LRP1B: variants seen among roughly 807,000 people sequenced by gnomAD.
The protein encoded by LRP1B is LDL receptor related protein 1B, also known as low-density lipoprotein receptor-related protein 1B.
LRP1B carries 217 observed loss-of-function variants against 556.6 expected under a neutral mutation model. The observed-to-expected ratio is 0.39, with a 90% CI of 0.35 to 0.44. The LOEUF (loss-of-function observed/expected upper bound fraction) is 0.44. LRP1B is among the 20% of genes least tolerant of loss of function. The pLI is 1.00. For missense variants in LRP1B, 5,053 were observed against 5,620.8 expected, an observed-to-expected ratio of 0.90 and a Z score of 3.23; for synonymous variants, 2,047 against 1,865.8, an observed-to-expected ratio of 1.10 and a Z score of -2.50.
chr2:140,246,658 T>C (rs1681178717), intron 87 of LRP1B, among the ~76,000 whole-genome samples: 1 of 151,528 alleles, frequency 6.6e-6, no homozygotes, highest in Non-Finnish European at 1.5e-5. Flanking sequence ...TCTTTCAGAC[T>C]AACCAATAAA....
intron 1 of LRP1B, among the ~76,000 whole-genome samples, chr2:142,105,993 A>G (rs1403137051): frequency 6.6e-6 from 1 of 152,146 alleles, no homozygotes; most frequent in East Asian, 1.9e-4. Flanking sequence ...ATTTAACACC[A>G]CAAAACAATG....
intron 1 of LRP1B, among the ~76,000 whole-genome samples, chr2:141,815,741 C>T (rs923432586): frequency 5.9e-5 from 9 of 152,172 alleles, no homozygotes; most frequent in African/African-American, 2.2e-4. Flanking sequence ...TCCTTGGATC[C>T]CGTTCCACGC....
chr2:141,672,736 G>A (rs191915805), intron 2 of LRP1B, among the ~76,000 whole-genome samples: 13 of 152,204 alleles, frequency 8.5e-5, no homozygotes, highest in South Asian at 4.2e-4. Context: ...AAATTAAATC[G>A]CAACTTTCTT....
At position 142,035,639 on chromosome 2, in the gene LRP1B, G is replaced by A. The variant is rs545746510; in HGVS notation, c.82+95009C>T. Among the ~76,000 whole-genome samples, 16 of 151,660 alleles carry A rather than the reference G, an allele frequency of 1.1e-4. No individual in the cohort carries two copies. In the South Asian group the frequency reaches 3.3e-3, roughly 32 times the overall value. ...TCCATTCCTTTTGGTGTAATTCACG[G>A]GAAGGTCTAGTTTAACAACAACTTT... On this transcript the variant is annotated intron_variant, in intron 1 of 90. Transcript: ENST00000389484.
rs185639515 is a variant in LRP1B, at chr2:140,999,757, G to A, written c.2503+5578C>T. Among the ~76,000 whole-genome samples the A allele has an allele frequency of 3.3e-5, 5 of 151,952 alleles. No individual in the cohort carries two copies. The East Asian group carries it at 9.7e-4, about 30-fold the overall frequency. Reference sequence around the variant, plus strand: ...CTACTGAACATGTTTTGTTGTTTTTGGTTTGGCAATTAGGGCAAAGAAGAA... The same window carrying A: ...CTACTGAACATGTTTTGTTGTTTTTAGTTTGGCAATTAGGGCAAAGAAGAA... On this transcript the variant is annotated intron_variant, in intron 15 of 90. Coordinates refer to ENST00000389484, the MANE Select transcript of LRP1B (RefSeq NM_018557.3).
intron 2 of LRP1B, among the ~76,000 whole-genome samples, chr2:141,543,746 A>G (rs1685355578): frequency 6.6e-6 from 1 of 151,678 alleles, no homozygotes; most frequent in Admixed American, 6.6e-5. Flanking sequence ...AGAAAAAAAA[A>G]ACAAATACAC....
At chr2:141,099,006 G>A (rs1250236752) in intron 7 of LRP1B, among the ~76,000 whole-genome samples, 4 of 152,056 alleles carry the variant, frequency 2.6e-5, no homozygotes, top group Non-Finnish European at 5.9e-5. Flanking sequence ...AACATTCAAA[G>A]GCCACAGAAA....
At chr2:141,108,474 G>A (rs969774595) in intron 7 of LRP1B, among the ~76,000 whole-genome samples, 1 of 147,766 alleles carries the variant, frequency 6.8e-6, no homozygotes, top group Non-Finnish European at 1.5e-5. Context: ...TCAGCTTCCC[G>A]AGTAGCTGGG....
intron 15 of LRP1B, among the ~76,000 whole-genome samples, chr2:140,997,633 CA>C (rs1002027546): frequency 6.6e-6 from 1 of 150,980 alleles, no homozygotes; most frequent in Non-Finnish European, 1.5e-5. Context: ...TGTCCTGGAA[CA>C]AAAAAAATAA....
At chr2:141,158,180 CA>C in intron 7 of LRP1B, among the ~76,000 whole-genome samples, 1 of 151,940 alleles carries the variant, frequency 6.6e-6, no homozygotes, top group East Asian at 1.9e-4. Context: ...TCTTTTTAAC[CA>C]GTTGAATTAA....
chr2:141,163,041 A>C (rs1680105021), intron 7 of LRP1B, among the ~76,000 whole-genome samples: 1 of 152,140 alleles, frequency 6.6e-6, no homozygotes, highest in Non-Finnish European at 1.5e-5. Flanking sequence ...CACTGTGACA[A>C]GCATCCTTTA....
intron 75 of LRP1B, among the ~76,000 whole-genome samples, 188 bp downstream of exon 75, chr2:140,356,154 G>T (rs150152427): frequency 1.5e-5 from 2 of 134,932 alleles, no homozygotes; most frequent in East Asian, 2.0e-4. Flanking sequence ...AGCCTCTGTC[G>T]TGGTTAGCTT....
At chr2:141,522,037 A>G (rs368871114) in intron 2 of LRP1B, among the ~76,000 whole-genome samples, 2 of 152,140 alleles carry the variant, frequency 1.3e-5, no homozygotes, top group Admixed American at 6.6e-5. Context: ...ATTAAGTAGG[A>G]AAACAGGGCA....
chr2:141,058,021 G>C (rs1699229659), intron 9 of LRP1B, among the ~76,000 whole-genome samples: 1 of 151,806 alleles, frequency 6.6e-6, no homozygotes, highest in Non-Finnish European at 1.5e-5. Context: ...CTCCACTGGA[G>C]TGTAAACTCA....
chr2:140,601,619 G>A lies in LRP1B; in HGVS notation c.6820C>T (p.Leu2274Phe), dbSNP rs556894524. Residue 2274 changes from leucine (L) to phenylalanine (F), a missense_variant, in exon 42 of 91, where the codon CTT (leucine) becomes TTT (phenylalanine). Physicochemically the swap from Leu to Phe is conservative, Grantham distance 22. Around this residue, in one of 5 missense-constraint regions of LRP1B, gnomAD observed 3,619 missense variants for 3,931.9 expected, o/e 0.92. Transcript: ENST00000389484. ...GTATCCCAGGCTCTGTGATAGGCAAGTCCTTCCACAGAACCCACATCTAGT... is the reference window on the plus strand; with the variant it reads ...GTATCCCAGGCTCTGTGATAGGCAAATCCTTCCACAGAACCCACATCTAGT... The part of the protein sequence containing the change: ...IVENVGSVEG[L>F]AYHRAWDTLY... The A allele has an allele frequency of 1.9e-6, 3 of 1,593,370 alleles. No homozygotes were observed. The highest frequency in any genetic ancestry group is 2.6e-6 in the Non-Finnish European group (3 of 1,167,640).
chr2:140,876,815 T>TC (rs889201912), intron 25 of LRP1B, among the ~76,000 whole-genome samples: 2 of 152,154 alleles, frequency 1.3e-5, no homozygotes, highest in African/African-American at 4.8e-5. Flanking sequence ...TATTTTTTTT[T>TC]CTTGCTGCAC....
intron 1 of LRP1B, among the ~76,000 whole-genome samples, chr2:141,981,669 T>C (rs1574557432): frequency 2.0e-5 from 3 of 152,266 alleles, no homozygotes. Context: ...GGAGATCACA[T>C]AGATGTTTAC....
intron 1 of LRP1B, among the ~76,000 whole-genome samples, chr2:142,074,557 C>A (rs1705432332): frequency 6.6e-6 from 1 of 151,974 alleles, no homozygotes; most frequent in South Asian, 2.1e-4. Flanking sequence ...CCTTATACTT[C>A]TCTGTAGAAC....
intron 66 of LRP1B, among the ~76,000 whole-genome samples, chr2:140,429,918 C>T (rs148496037): frequency 0.012 from 1,866 of 152,226 alleles, 35 homozygotes; most frequent in African/African-American, 0.042. Flanking sequence ...TTCTGCTCCC[C>T]GGCTCCTTCA....
Sources: gnomAD v4.1 joint callset for allele counts (sites outside exome capture counted in the v4.1 genomes callset) on GRCh38, gnomAD v4.1.1 for gene constraint, gnomAD v4.1.1 regional missense constraint, MANE v1.5 for transcripts, NCBI Gene and HGNC (gene_info 2026-07-23, HGNC 2026-07-21) for gene names.